B4GALNT1: variants seen among roughly 807,000 people sequenced by gnomAD.
B4GALNT1 encodes beta-1,4 N-acetylgalactosaminyltransferase 1.
B4GALNT1 carries 43 observed loss-of-function variants against 55.2 expected under a neutral mutation model. The observed-to-expected ratio is 0.78, with a 90% CI of 0.61 to 1.00. The LOEUF (loss-of-function observed/expected upper bound fraction) is 1.00, where lower values mean the gene tolerates loss of function less well. B4GALNT1 is among the 50% of genes least tolerant of loss of function. B4GALNT1 has a pLI of 0.00. For missense variants in B4GALNT1, 664 were observed against 729.7 expected, an observed-to-expected ratio of 0.91 and a Z score of 1.04; for synonymous variants, 305 against 311.6, an observed-to-expected ratio of 0.98 and a Z score of 0.22.
In B4GALNT1 at chr12:57,628,887, G is replaced by C. The variant is rs750756456; in HGVS notation, c.828C>G (p.Ser276Arg). 2 of 1,614,198 alleles carry C rather than the reference G, an allele frequency of 1.2e-6. No homozygotes were observed. The highest frequency in any genetic ancestry group is 3.3e-5 in the Admixed American group (2 of 60,018). The stretch of plus-strand genomic sequence containing the variant: ...TCTTGGTGGCAATCGTGACTAGAGC[G>C]CTGATGTTGTACTGGGCTGAGATTG... Reference protein sequence around the residue: ...SLPQGAQYNISALVTIATKTF... With the variant: ...SLPQGAQYNIRALVTIATKTF... Residue 276 changes from serine (S) to arginine (R), a missense_variant, in exon 8 of 11, where the codon AGC (serine) becomes AGG (arginine). Transcript: ENST00000341156.
chr12:57,632,172 A>C, intron 1 of B4GALNT1, 39 bp from the exon 2 acceptor site: 5 of 1,502,152 alleles, frequency 3.3e-6, no homozygotes, highest in Non-Finnish European at 4.5e-6. Flanking sequence ...AAGGGAGGGA[A>C]GAAGGGAGGG....
rs756096629 is a variant in B4GALNT1 at position 57,628,262 on chromosome 12, C to T, written c.1003G>A (p.Gly335Ser). The change falls in exon 9 of 11, where the codon GGC becomes AGC. Residue 335 changes from glycine to serine, a missense_variant and splice_region_variant. Physicochemically the swap from Gly to Ser is moderately conservative, Grantham distance 56. Coordinates refer to ENST00000341156, the MANE Select transcript of B4GALNT1 (RefSeq NM_001478.5). ...GCCAGGTTCCGGCCTGCGAACCAGC[C>T]CTGGCAGAAAGGTGTGTGTGGTTGG... ...VEHYLMPFGK[G>S]WFAGRNLAVS... is the part of the protein sequence containing the mutation. The T allele has an allele frequency of 1.9e-6, 3 of 1,614,250 alleles. No individual in the cohort carries two copies. The highest frequency in any genetic ancestry group is 2.5e-6 in the Non-Finnish European group (3 of 1,180,040).
chr12:57,627,565 C>A, intron 10 of B4GALNT1, 53 bp downstream of exon 10: 2 of 1,527,608 alleles, frequency 1.3e-6, no homozygotes, highest in Non-Finnish European at 1.8e-6. Context: ...TGACCGTGCG[C>A]CAGCTCCCCG....
rs1352064227 is a variant in B4GALNT1, at chr12:57,629,097, T to A, written c.762A>T (p.Arg254Ser). 6.3e-7 allele frequency: 1 copy of A among 1,598,736 alleles called. No individual in the cohort carries two copies. ...GGTACAGCCGAGGGTTGGGCGGGTGTCTTATGCGGATAGTGAAAGCAGCCT... is the reference window on the plus strand; with the variant it reads ...GGTACAGCCGAGGGTTGGGCGGGTGACTTATGCGGATAGTGAAAGCAGCCT... ...GHEAAFTIRI[R>S]HPPNPRLYPP... The change falls in exon 7 of 11, where the codon AGA becomes AGT. Residue 254 changes from arginine (R) to serine (S), a missense_variant. Arg to Ser is a moderately radical substitution (Grantham distance 110, BLOSUM62 -1). Coordinates refer to ENST00000341156, the MANE Select transcript of B4GALNT1 (RefSeq NM_001478.5).
chr12:57,624,758 A>G lies in B4GALNT1; in HGVS notation c.*1986T>C. 1 of 993,350 alleles carries G rather than the reference A, an allele frequency of 1.0e-6. No individual in the cohort carries two copies. The highest frequency in any genetic ancestry group is 1.6e-6 in the Non-Finnish European group (1 of 613,960). 61.5% of individuals were successfully genotyped at this position (993,350 alleles called of 1,614,324 possible). On this transcript the variant is annotated 3_prime_UTR_variant, in exon 11 of 11. Transcript: ENST00000341156. ...CCTGGCACTTGGACAGGCTGAGGGG[A>G]CAGAGCTCTACAGACCACTCAGAGG...
Position 57,628,142 on chromosome 12 carries a change from C to T in B4GALNT1, c.1123G>A (p.Glu375Lys). ...CCTACCAGGTCCAGCGGCGTCCGCT[C>T]CAGCACGTCCACAAGCCTCTCCAGC... ...TRLERLVDVL[E>K]RTPLDLVGGA... The change falls in exon 9 of 11, where the codon GAG (glutamate) becomes AAG (lysine). Residue 375 changes from glutamate (E) to lysine (K), a missense_variant. Transcript: ENST00000341156. 3.1e-6 allele frequency: 5 copies of T among 1,614,114 alleles called. No homozygotes were observed. Among genetic ancestry groups the T allele is most frequent in the Non-Finnish European group, 4.2e-6 (5 of 1,180,038 alleles).
rs375070245 is a variant in B4GALNT1, at chr12:57,630,299, C to T, written c.565G>A (p.Val189Met). The change falls in exon 6 of 11, where the codon GTG (valine) becomes ATG (methionine). Residue 189 changes from valine (V) to methionine (M), a missense_variant. Val to Met is a conservative substitution (Grantham distance 21). Coordinates refer to ENST00000341156, the MANE Select transcript of B4GALNT1 (RefSeq NM_001478.5). ...NLTASLGTWDVAGEVTGVTLT... is the reference protein window; with the variant it reads ...NLTASLGTWDMAGEVTGVTLT... ...GTAACTCCAGTCACTTCCCCTGCCA[C>T]GTCCCAGGTGCCTAGGGAGGCAGTC... The T allele has an allele frequency of 7.4e-6, 12 of 1,614,092 alleles. No individual in the cohort carries two copies. Among genetic ancestry groups the T allele is most frequent in the South Asian group, 1.1e-5 (1 of 91,088 alleles).
At position 57,630,477 on chromosome 12, in the gene B4GALNT1, C is replaced by CAG. The variant is rs1885128504; in HGVS notation, c.531_531+1insCT (p.Val178LeufsTer2). 6.2e-7 allele frequency: 1 copy of CAG among 1,607,880 alleles called. No individual in the cohort carries two copies. The highest frequency in any genetic ancestry group is 8.5e-7 in the Non-Finnish European group (1 of 1,176,942). ...CTCCTTGCCTTCTTGTTTTCTCTCA[C>CAG]CTGGTATACCTCCTGACCAGAAGCT... On this transcript the variant is annotated frameshift_variant and splice_region_variant. Coordinates refer to ENST00000341156, the MANE Select transcript of B4GALNT1 (RefSeq NM_001478.5). LOFTEE classifies it high-confidence loss of function.
chr12:57,626,473 C>T lies in B4GALNT1; in HGVS notation c.*271G>A, dbSNP rs1816809586. 2.0e-6 allele frequency: 1 copy of T among 506,566 alleles called. No individual in the cohort carries two copies. The highest frequency in any genetic ancestry group is 3.6e-6 in the Non-Finnish European group (1 of 278,930). The allele number at this position is 506,566 out of a possible 1,614,324, so 31.4% of individuals were successfully genotyped here. ...TTTGGCACTTGGAAAGTGATCCCCC[C>T]ATTTCCTGCCCCATGAGAATGGGCA... On this transcript the variant is annotated 3_prime_UTR_variant, in exon 11 of 11. Coordinates refer to ENST00000341156, the MANE Select transcript of B4GALNT1 (RefSeq NM_001478.5).
At position 57,630,368 on chromosome 12, in the gene B4GALNT1, A is replaced by G. The variant is rs757492930; in HGVS notation, c.532-36T>C. The G allele has an allele frequency of 3.1e-6, 5 of 1,603,728 alleles. No individual in the cohort carries two copies. In the South Asian group the frequency reaches 4.4e-5, roughly 14 times the overall value. The stretch of plus-strand genomic sequence containing the variant: ...ATTGGAGAGTGCAGGGTTAGGCCCC[A>G]GACCCACTTCTTGCCTCCCTGATTC... On this transcript the variant is annotated intron_variant, in intron 5 of 10. Transcript: ENST00000341156.
intron 2 of B4GALNT1, 56 bp downstream of exon 2, chr12:57,631,859 A>AGCCCCCAGACC: frequency 7.5e-7 from 1 of 1,338,584 alleles, no homozygotes; most frequent in Non-Finnish European, 9.6e-7. Context: ...AGAAAACAAA[A>AGCCCCCAGACC]GCCCCCAGAC....
chr12:57,633,109 G>A lies in B4GALNT1; in HGVS notation c.-339C>T, dbSNP rs1594991148. On this transcript the variant is annotated 5_prime_UTR_variant, in exon 1 of 11. Transcript: ENST00000341156. ...CCGCGTCCCACTGGCAGCGCGGGGA[G>A]GGCTCTGGCCGCCGCCCGGCTCTTC... 6.6e-6 allele frequency: 1 copy of A among 152,242 alleles called. No individual in the cohort carries two copies. The highest frequency in any genetic ancestry group is 1.9e-4 in the East Asian group (1 of 5,186). The allele number at this position is 152,242 out of a possible 1,614,324, so 9.4% of individuals were successfully genotyped here.
At chr12:57,629,416 C>G (rs1194400260) in intron 6 of B4GALNT1, 2 of 359,176 alleles carry the variant, frequency 5.6e-6, no homozygotes, top group Non-Finnish European at 9.9e-6. Context: ...TCATTTTATC[C>G]CCATGATAGC....
chr12:57,629,083 G>C lies in B4GALNT1; in HGVS notation c.776C>G (p.Pro259Arg). ...FTIRIRHPPN[P>R]RLYPPGSLPQ... ...TAGAGACCCAGGTGGGTACAGCCGA[G>C]GGTTGGGCGGGTGTCTTATGCGGAT... The change falls in exon 7 of 11, where the codon CCT (proline) becomes CGT (arginine). Residue 259 changes from proline (P) to arginine (R), a missense_variant. Physicochemically the swap from Pro to Arg is moderately radical, Grantham distance 103 (BLOSUM62 -2). Transcript: ENST00000341156. The C allele has an allele frequency of 6.3e-7, 1 of 1,596,918 alleles. No homozygotes were observed. Among genetic ancestry groups the C allele is most frequent in the Non-Finnish European group, 8.6e-7 (1 of 1,167,644 alleles).
chr12:57,629,324 G>T, intron 6 of B4GALNT1, 178 bp from the exon 7 acceptor site: 1 of 510,882 alleles, frequency 2.0e-6, no homozygotes. Context: ...AAACAACAAA[G>T]AAAATTTTAA....
At position 57,629,166 on chromosome 12, in the gene B4GALNT1, C is replaced by A; in HGVS notation, c.713-20G>T. The A allele has an allele frequency of 6.4e-7, 1 of 1,552,062 alleles. No individual in the cohort carries two copies. The highest frequency in any genetic ancestry group is 8.7e-7 in the Non-Finnish European group (1 of 1,143,532). ...ACCGGACTGGGAAGAAAGGACATGG[C>A]ATTTGACCCTGAAGGGTGGGATAAC... On this transcript the variant is annotated intron_variant, in intron 6 of 10. Transcript: ENST00000341156.
At position 57,629,104 on chromosome 12, in the gene B4GALNT1, C is replaced by A. The variant is rs139453491; in HGVS notation, c.755G>T (p.Arg252Leu). 6 of 1,598,096 alleles carry A rather than the reference C, an allele frequency of 3.8e-6. No individual in the cohort carries two copies. In the African/African-American group the frequency reaches 5.4e-5, roughly 14 times the overall value. Residue 252 changes from arginine to leucine, a missense_variant, in exon 7 of 11, where the codon CGC becomes CTC. Arg to Leu is a moderately radical substitution (Grantham distance 102, BLOSUM62 -2). Transcript: ENST00000341156. ...TEGHEAAFTIRIRHPPNPRLY... is the reference protein window; with the variant it reads ...TEGHEAAFTILIRHPPNPRLY... ...CCGAGGGTTGGGCGGGTGTCTTATGCGGATAGTGAAAGCAGCCTCATGTCC... is the reference window on the plus strand; with the variant it reads ...CCGAGGGTTGGGCGGGTGTCTTATGAGGATAGTGAAAGCAGCCTCATGTCC...
At chr12:57,632,578 T>G in intron 1 of B4GALNT1, 194 bp downstream of exon 1, 1 of 207,508 alleles carries the variant, frequency 4.8e-6, no homozygotes. Context: ...GCTCCACACC[T>G]AGCCTGTCAG....
chr12:57,625,483 A>G lies in B4GALNT1; in HGVS notation c.*1261T>C. 1 of 1,614,104 alleles carries G rather than the reference A, an allele frequency of 6.2e-7. No individual in the cohort carries two copies. The highest frequency in any genetic ancestry group is 8.5e-7 in the Non-Finnish European group (1 of 1,180,008). On this transcript the variant is annotated 3_prime_UTR_variant, in exon 11 of 11. Transcript: ENST00000341156. ...TGTAATGGTGAGATGTGTGGAGAAG[A>G]GCGGGGCCCAGTGCCTGGGCAATGA...
Sources: gnomAD v4.1 joint callset for allele counts on GRCh38, gnomAD v4.1.1 for gene constraint, MANE v1.5 for transcripts, NCBI Gene and HGNC (gene_info 2026-07-23, HGNC 2026-07-21) for gene names.